Variants in CFAP206 observed in about 807,000 individuals in gnomAD.
The protein encoded by CFAP206 is cilia- and flagella-associated protein 206.
A neutral mutation model predicts 65.4 loss-of-function variants in CFAP206; 53 were observed. That is an observed-to-expected ratio of 0.81 (90% CI 0.65 to 1.02). CFAP206 has a LOEUF of 1.02. Ranked by LOEUF, CFAP206 falls within the 50% of genes least tolerant of loss-of-function variation. CFAP206 has a pLI of 0.00. For synonymous variants in CFAP206, 250 were observed against 254.4 expected, an observed-to-expected ratio of 0.98 and a Z score of 0.17; for missense variants, 663 against 753.2, an observed-to-expected ratio of 0.88 and a Z score of 1.40.
At chr6:87,425,857 T>C (rs1582138039) in intron 7 of CFAP206, 1 of 156,798 alleles carries the variant, frequency 6.4e-6, no homozygotes. Flanking sequence ...GCATTCATAG[T>C]AATCAAGTCT....
intron 9 of CFAP206, among the ~76,000 whole-genome samples, chr6:87,429,111 A>G (rs1330495538): frequency 6.6e-6 from 1 of 152,174 alleles, no homozygotes; most frequent in African/African-American, 2.4e-5. Flanking sequence ...CTGTAATCCC[A>G]GCTACTGGGG....
intron 11 of CFAP206, among the ~76,000 whole-genome samples, chr6:87,439,312 ATAG>A (rs979456999): frequency 3.9e-5 from 6 of 152,112 alleles, no homozygotes; most frequent in Admixed American, 3.9e-4. Context: ...TATTTCTAAA[ATAG>A]TAGTTGAGTT....
intron 11 of CFAP206, among the ~76,000 whole-genome samples, chr6:87,449,433 T>G (rs1768502898): frequency 1.2e-5 from 1 of 85,910 alleles, no homozygotes; most frequent in Non-Finnish European, 2.0e-5. Flanking sequence ...TGAGACTCCA[T>G]CTCAAAAAAA....
Position 87,415,727 on chromosome 6 carries a change from T to C in CFAP206, c.325T>C (p.Leu109=), listed in dbSNP as rs1268393685. 5.0e-6 allele frequency: 8 copies of C among 1,612,160 alleles called. No individual in the cohort carries two copies. In the African/African-American group the frequency reaches 9.4e-5, roughly 19 times the overall value. Residue 109 remains leucine, a synonymous_variant, in exon 5 of 13, where the codon TTA becomes CTA. Coordinates refer to ENST00000369562, the MANE Select transcript of CFAP206 (RefSeq NM_001031743.3). Reference sequence around the variant, plus strand: ...ACATCACCGGGTCCTAGAGTCTAGATTAGGCTCTGTTACCCGAGAAATTAC... The same window carrying C: ...ACATCACCGGGTCCTAGAGTCTAGACTAGGCTCTGTTACCCGAGAAATTAC... ...EEHHRVLESR[L]GSVTREITDN...
chr6:87,463,966 T>A, intron 12 of CFAP206, 54 bp from the exon 13 acceptor site: 3 of 1,412,120 alleles, frequency 2.1e-6, no homozygotes, highest in Non-Finnish European at 2.9e-6. Flanking sequence ...GATAATATTT[T>A]ATGTTATTTG....
intron 11 of CFAP206, among the ~76,000 whole-genome samples, chr6:87,449,490 CA>C (rs1280830221): frequency 6.7e-6 from 1 of 149,052 alleles, no homozygotes; most frequent in Non-Finnish European, 1.5e-5. Context: ...TCCTCACCAG[CA>C]TTTGTTGTTT....
At chr6:87,427,409 G>T (rs1034593879) in intron 8 of CFAP206, among the ~76,000 whole-genome samples, 2 of 152,150 alleles carry the variant, frequency 1.3e-5, no homozygotes, top group Non-Finnish European at 2.9e-5. Flanking sequence ...AAAGTTCTGG[G>T]ATTACAGGCA....
At chr6:87,414,006 C>A in intron 4 of CFAP206, 106 bp downstream of exon 4, 3 of 520,922 alleles carry the variant, frequency 5.8e-6, no homozygotes, top group African/African-American at 2.0e-5. Context: ...ATCAATTTAA[C>A]AATTTAATTT....
chr6:87,432,218 T>C (rs1768171045), intron 10 of CFAP206, among the ~76,000 whole-genome samples: 1 of 152,190 alleles, frequency 6.6e-6, no homozygotes, highest in African/African-American at 2.4e-5. Context: ...TAAAAATAAC[T>C]ATTGGGATTG....
At position 87,464,372 on chromosome 6, in the gene CFAP206, G is replaced by C; in HGVS notation, c.*122G>C. 1.7e-6 allele frequency: 1 copy of C among 594,360 alleles called. No individual in the cohort carries two copies. The highest frequency in any genetic ancestry group is 2.7e-6 in the Non-Finnish European group (1 of 373,646). 36.8% of individuals were successfully genotyped at this position (594,360 alleles called of 1,614,324 possible). The stretch of plus-strand genomic sequence containing the variant: ...TGGCACATTCATTGGTTGTGTGACT[G>C]TTTATTGGGTTCCCATATTTTATCA... On this transcript the variant is annotated 3_prime_UTR_variant, in exon 13 of 13. Coordinates refer to ENST00000369562, the MANE Select transcript of CFAP206 (RefSeq NM_001031743.3).
chr6:87,450,128 G>A (rs567535766), intron 11 of CFAP206, among the ~76,000 whole-genome samples: 40 of 152,272 alleles, frequency 2.6e-4, no homozygotes, highest in African/African-American at 8.7e-4. Flanking sequence ...TCAGTTGGCT[G>A]TAAATGTGTG....
At chr6:87,445,205 T>C in intron 11 of CFAP206, 2 of 276,234 alleles carry the variant, frequency 7.2e-6, no homozygotes, top group South Asian at 3.7e-5. Context: ...ATTTTATTAT[T>C]ACGTTTTAAA....
intron 11 of CFAP206, among the ~76,000 whole-genome samples, chr6:87,446,734 T>G (rs1163161801): frequency 6.6e-6 from 1 of 152,196 alleles, no homozygotes; most frequent in Non-Finnish European, 1.5e-5. Context: ...GTGAAGTATG[T>G]CAATGGTGGT....
At chr6:87,426,496 A>T in intron 7 of CFAP206, 30 bp from the exon 8 acceptor site, 1 of 1,496,698 alleles carries the variant, frequency 6.7e-7, no homozygotes. Flanking sequence ...AATTATAAAA[A>T]TATTAATGCA....
intron 4 of CFAP206, chr6:87,415,475 C>T (rs1371065645): frequency 1.7e-6 from 1 of 603,190 alleles, no homozygotes; most frequent in Non-Finnish European, 3.0e-6. Context: ...ACAAAGTATT[C>T]CATTTAAGTC....
At chr6:87,409,201 T>A (rs1333733240) in intron 1 of CFAP206, among the ~76,000 whole-genome samples, 1 of 150,460 alleles carries the variant, frequency 6.6e-6, no homozygotes, top group Non-Finnish European at 1.5e-5. Context: ...TAATTTTACC[T>A]CCCTCCCCTA....
chr6:87,420,531 C>G (rs1767920916), intron 7 of CFAP206, among the ~76,000 whole-genome samples: 1 of 152,226 alleles, frequency 6.6e-6, no homozygotes, highest in Non-Finnish European at 1.5e-5. Context: ...AAATCTGTGT[C>G]CGTAAGGAAG....
intron 7 of CFAP206, among the ~76,000 whole-genome samples, chr6:87,423,409 C>T (rs950312094): frequency 7.9e-5 from 12 of 151,746 alleles, no homozygotes; most frequent in South Asian, 2.1e-4. Context: ...CCACCACGTC[C>T]GGCTAATTTT....
At chr6:87,423,163 C>T (rs1767975570) in intron 7 of CFAP206, among the ~76,000 whole-genome samples, 1 of 152,194 alleles carries the variant, frequency 6.6e-6, no homozygotes, top group Admixed American at 6.5e-5. Flanking sequence ...AAGTGATCCA[C>T]CTGCCTCAGC....
Sources: gnomAD v4.1 joint callset for allele counts (sites outside exome capture counted in the v4.1 genomes callset) on GRCh38, gnomAD v4.1.1 for gene constraint, MANE v1.5 for transcripts, NCBI Gene and HGNC (gene_info 2026-07-23, HGNC 2026-07-21) for gene names.